Variants in RHD observed in about 807,000 individuals in gnomAD.
The protein encoded by RHD is Rh blood group D antigen.
RHD carries 16 observed loss-of-function variants against 45.5 expected under a neutral mutation model. The observed-to-expected ratio is 0.35, with a 90% CI of 0.24 to 0.53. RHD has a LOEUF of 0.53. RHD is among the 20% of genes least tolerant of loss of function. RHD has a pLI of 0.92. For synonymous variants in RHD, 131 were observed against 217.5 expected (o/e 0.60, Z 3.50); for missense variants, 306 against 532.0 (o/e 0.58, Z 4.18).
At chr1:25,300,559 C>A (rs1643307751) in intron 3 of RHD, among the ~76,000 whole-genome samples, 1 of 129,044 alleles carries the variant, frequency 7.7e-6, no homozygotes, top group Non-Finnish European at 1.8e-5. Flanking sequence ...CCTGTAATCC[C>A]AGCACTTTGG....
intron 7 of RHD, among the ~76,000 whole-genome samples, chr1:25,316,578 C>T (rs1644449217): frequency 1.1e-5 from 1 of 90,844 alleles, no homozygotes. Context: ...GCACTCCAGT[C>T]TGGACGACAG....
In RHD at chr1:25,279,914, A is replaced by C. The variant is rs1443300772; in HGVS notation, c.149-4659A>C. ...GCTTATCAAACCAGCAGCTGATGTG[A>C]GTGCAGAGCAGACTGTGAGAGGTGG... On this transcript the variant is annotated intron_variant, in intron 1 of 9. Transcript: ENST00000328664. Among the ~76,000 whole-genome samples, 2 of 128,734 alleles carry C rather than the reference A, an allele frequency of 1.6e-5. 1 individual carries two copies. The highest frequency in any genetic ancestry group is 5.4e-5 in the African/African-American group (2 of 36,848). The allele number at this position is 128,734 out of a possible 152,430, so 84.5% of individuals were successfully genotyped here. A position where few individuals can be genotyped will look rare whatever the true frequency, so the allele number is the denominator to read the frequency against.
rs1642429881 is a variant in RHD at position 25,290,755 on chromosome 1, A to C, written c.450A>C (p.Leu150Phe). ...TGGTGCTGGTGGAGGTGACAGCTTTAGGCAACCTGAGGATGGTCATCAGTA... is the reference window on the plus strand; with the variant it reads ...TGGTGCTGGTGGAGGTGACAGCTTTCGGCAACCTGAGGATGGTCATCAGTA... ...VVMVLVEVTA[L>F]GNLRMVISNI... Residue 150 changes from leucine (L) to phenylalanine (F), a missense_variant, in exon 3 of 10, where the codon TTA (leucine) becomes TTC (phenylalanine). Transcript: ENST00000328664. 7.3e-7 allele frequency: 1 copy of C among 1,377,146 alleles called. No homozygotes were observed. The highest frequency in any genetic ancestry group is 1.4e-5 in the African/African-American group (1 of 70,144). The allele number at this position is 1,377,146 out of a possible 1,614,324, so 85.3% of individuals were successfully genotyped here. A position where few individuals can be genotyped will look rare whatever the true frequency, so the allele number is the denominator to read the frequency against.
chr1:25,286,270 C>T (rs1211734521), intron 2 of RHD, among the ~76,000 whole-genome samples: 1 of 135,460 alleles, frequency 7.4e-6, no homozygotes, highest in African/African-American at 2.5e-5. Flanking sequence ...GGGCAGATCA[C>T]TTGAGCCCAG....
Position 25,303,463 on chromosome 1 carries a change from A to G in RHD, c.939+4A>G, listed in dbSNP as rs757864767. ...CGGGGGAGCCAAGTACCTGCCGGTA[A>G]GAAACTAGACAACTAACCTCCTCTG... On this transcript the variant is annotated splice_donor_region_variant and intron_variant, in intron 6 of 9. Transcript: ENST00000328664. 1.5e-6 allele frequency: 2 copies of G among 1,378,900 alleles called. No individual in the cohort carries two copies. The highest frequency in any genetic ancestry group is 2.2e-5 in the East Asian group (1 of 44,654). The allele number at this position is 1,378,900 out of a possible 1,614,324, so 85.4% of individuals were successfully genotyped here.
chr1:25,310,991 A>T (rs1303042924), intron 7 of RHD, among the ~76,000 whole-genome samples: 3 of 130,476 alleles, frequency 2.3e-5, no homozygotes, highest in African/African-American at 7.8e-5. Flanking sequence ...AAAAAAAAGA[A>T]AGAAAAAGAA....
In RHD at chr1:25,272,633, A is replaced by G. The variant is rs767901409; in HGVS notation, c.86A>G (p.Tyr29Cys). The change falls in exon 1 of 10, where the codon TAT (tyrosine) becomes TGT (cysteine). Residue 29 changes from tyrosine (Y) to cysteine (C), a missense_variant. Physicochemically the swap from Tyr to Cys is radical, Grantham distance 194. Transcript: ENST00000328664. Reference protein sequence around the residue: ...TLEAALILLFYFFTHYDASLE... With the variant: ...TLEAALILLFCFFTHYDASLE... ...GAAGCAGCTCTCATTCTCCTCTTCT[A>G]TTTTTTTACCCACTATGACGCTTCC... 5.1e-6 allele frequency: 8 copies of G among 1,573,480 alleles called. No individual in the cohort carries two copies. Among genetic ancestry groups the G allele is most frequent in the African/African-American group, 2.8e-5 (2 of 72,358 alleles).
In RHD at chr1:25,286,703, G is replaced by A. The variant is rs560930937; in HGVS notation, c.335+1944G>A. Among the ~76,000 whole-genome samples, 15 of 133,358 alleles carry A rather than the reference G, an allele frequency of 1.1e-4. 2 individuals are homozygous for A. The highest frequency in any genetic ancestry group is 3.4e-4 in the African/African-American group (13 of 38,336). The allele number at this position is 133,358 out of a possible 152,430, so 87.5% of individuals were successfully genotyped here. A position where few individuals can be genotyped will look rare whatever the true frequency, so the allele number is the denominator to read the frequency against. The stretch of plus-strand genomic sequence containing the variant: ...CGGGAGGCTGAGGCAGGAGAATGGC[G>A]TGAACCCGGGAGGCGGAGTTTGCAG... On this transcript the variant is annotated intron_variant, in intron 2 of 9. Coordinates refer to ENST00000328664, the MANE Select transcript of RHD (RefSeq NM_016124.6).
rs1386164007 is a variant in RHD at position 25,311,149 on chromosome 1, A to C, written c.1073+4420A>C. ...ATGGCTGGTAAAGGCCATTCTGATG[A>C]GGTCTCAGATAGAACTGAAGAACCA... On this transcript the variant is annotated intron_variant, in intron 7 of 9. Coordinates refer to ENST00000328664, the MANE Select transcript of RHD (RefSeq NM_016124.6). Among the ~76,000 whole-genome samples the C allele has an allele frequency of 1.5e-5, 2 of 132,076 alleles. 1 individual carries two copies. The highest frequency in any genetic ancestry group is 3.6e-5 in the Non-Finnish European group (2 of 55,722). 86.6% of individuals were successfully genotyped at this position (132,076 alleles called of 152,430 possible). A position where few individuals can be genotyped will look rare whatever the true frequency, so the allele number is the denominator to read the frequency against.
At chr1:25,274,745 G>C (rs572823309) in intron 1 of RHD, among the ~76,000 whole-genome samples, 1 of 133,980 alleles carries the variant, frequency 7.5e-6, no homozygotes, top group African/African-American at 2.5e-5. Context: ...CGTGGCTCAC[G>C]CCTGTAATCC....
At chr1:25,311,771 TCAGGTGGCCA>T (rs1190593744) in intron 7 of RHD, among the ~76,000 whole-genome samples, 2 of 130,820 alleles carry the variant, frequency 1.5e-5, no homozygotes, top group African/African-American at 5.3e-5. Context: ...CAGCTGTGGT[TCAGGTGGCCA>T]CAGGTGTGAT....
chr1:25,297,064 A>G (rs1643015646), intron 3 of RHD, among the ~76,000 whole-genome samples: 1 of 129,724 alleles, frequency 7.7e-6, no homozygotes, highest in Admixed American at 7.5e-5. Flanking sequence ...TTCTAGAAAA[A>G]AATATATATT....
chr1:25,321,674 TAAATAAAATA>T lies in RHD; in HGVS notation c.1154-189_1154-180del, dbSNP rs56928540. Among the ~76,000 whole-genome samples the T allele has an allele frequency of 1.5e-4, 14 of 91,300 alleles. 1 individual carries two copies. Among genetic ancestry groups the T allele is most frequent in the African/African-American group, 3.9e-4 (12 of 30,758 alleles). 59.9% of individuals were successfully genotyped at this position (91,300 alleles called of 152,430 possible). ...GATAGAGTGAGACTCTGTCTCAAAA[TAAATAAAATA>T]AAATAAAATAAAATAAAATAAAATA... On this transcript the variant is annotated intron_variant, in intron 8 of 9. Transcript: ENST00000328664.
At position 25,272,584 on chromosome 1, in the gene RHD, C is replaced by G. The variant is rs1433417649; in HGVS notation, c.37C>G (p.Leu13Val). 1 of 1,584,006 alleles carries G rather than the reference C, an allele frequency of 6.3e-7. No homozygotes were observed. The highest frequency in any genetic ancestry group is 2.2e-5 in the East Asian group (1 of 44,790). The part of the protein sequence containing the change: ...SKYPRSVRRC[L>V]PLWALTLEAA... ...GTACCCGCGGTCTGTCCGGCGCTGCCTGCCCCTCTGGGCCCTAACACTGGA... is the reference window on the plus strand; with the variant it reads ...GTACCCGCGGTCTGTCCGGCGCTGCGTGCCCCTCTGGGCCCTAACACTGGA... The change falls in exon 1 of 10, where the codon CTG becomes GTG. Residue 13 changes from leucine (L) to valine (V), a missense_variant. By Grantham distance (32) the Leu-to-Val change is conservative. Transcript: ENST00000328664.
At chr1:25,312,687 C>G in intron 7 of RHD, among the ~76,000 whole-genome samples, 1 of 127,048 alleles carries the variant, frequency 7.9e-6, no homozygotes, top group African/African-American at 2.7e-5. Flanking sequence ...GAGTTTGAGG[C>G]TGCAGTGAGC....
intron 5 of RHD, among the ~76,000 whole-genome samples, chr1:25,303,041 G>T (rs142829222): frequency 1.5e-5 from 2 of 131,264 alleles, no homozygotes; most frequent in East Asian, 3.9e-4. Context: ...TGAGTGTGAT[G>T]GGTGCCTAGG....
intron 2 of RHD, among the ~76,000 whole-genome samples, chr1:25,285,070 A>T (rs1304576270): frequency 7.4e-6 from 1 of 134,618 alleles, no homozygotes; most frequent in Non-Finnish European, 1.8e-5. Context: ...AGTTTATGGA[A>T]AACGTAAGAA....
chr1:25,322,018 T>C, intron 9 of RHD, 56 bp downstream of exon 9: 4 of 897,530 alleles, frequency 4.5e-6, no homozygotes, highest in South Asian at 1.3e-5. Flanking sequence ...CTTAAAAACA[T>C]ACCTGAGTAT....
In RHD at chr1:25,285,653, G is replaced by A. The variant is rs535952424; in HGVS notation, c.335+894G>A. On this transcript the variant is annotated intron_variant, in intron 2 of 9. Coordinates refer to ENST00000328664, the MANE Select transcript of RHD (RefSeq NM_016124.6). ...GATTAGGAAGGAACACAAAATAACC[G>A]CATGGGGTGCAGAAAATGTTCTCTA... is the stretch of plus-strand genomic sequence containing the variant. 1.4e-4 allele frequency among the ~76,000 whole-genome samples: 19 copies of A among 135,416 alleles called. 2 individuals carry two copies. Among genetic ancestry groups the A allele is most frequent in the South Asian group, 4.4e-4 (2 of 4,552 alleles). 88.8% of individuals were successfully genotyped at this position (135,416 alleles called of 152,430 possible).
Sources: allele counts gnomAD v4.1 joint callset (sites outside exome capture counted in the v4.1 genomes callset), GRCh38; gene constraint gnomAD v4.1.1; transcripts MANE v1.5; gene names NCBI Gene and HGNC (gene_info 2026-07-23, HGNC 2026-07-21).